PRPF4: variants seen among roughly 807,000 people sequenced by gnomAD.
The protein encoded by PRPF4 is pre-mRNA splicing tri-snRNP complex factor PRPF4, also known as U4/U6 small nuclear ribonucleoprotein Prp4.
Under a neutral mutation model 72.2 loss-of-function variants are expected in PRPF4, and 14 were observed. The ratio of observed to expected loss-of-function variants is 0.19; its 90% confidence interval spans 0.13 to 0.30. The LOEUF (loss-of-function observed/expected upper bound fraction) is 0.30, where lower values mean the gene tolerates loss of function less well. Ranked by LOEUF, PRPF4 falls within the 10% of genes least tolerant of loss-of-function variation. PRPF4 has a pLI of 1.00. For synonymous variants in PRPF4, 225 were observed against 232.2 expected (o/e 0.97, Z 0.28); for missense variants, 478 against 653.9 (o/e 0.73, Z 2.93).
chr9:113,279,405 C>T (rs1832207852), intron 3 of PRPF4, among the ~76,000 whole-genome samples: 1 of 151,978 alleles, frequency 6.6e-6, no homozygotes, highest in South Asian at 2.1e-4. Context: ...GCTCTGTCAC[C>T]CAGGCTTGAG....
At chr9:113,284,885 A>G (rs537439594) in intron 7 of PRPF4, among the ~76,000 whole-genome samples, 7 of 152,282 alleles carry the variant, frequency 4.6e-5, no homozygotes, top group South Asian at 2.1e-4. Flanking sequence ...TCTTATCACC[A>G]CATATGCAGA....
chr9:113,284,681 A>G (rs1832384301), intron 7 of PRPF4, among the ~76,000 whole-genome samples: 2 of 152,192 alleles, frequency 1.3e-5, no homozygotes, highest in South Asian at 2.1e-4. Context: ...TAGACCAACT[A>G]GTATCCATAA....
chr9:113,283,148 A>G lies in PRPF4; in HGVS notation c.497A>G (p.Tyr166Cys), dbSNP rs1476730237. 1.9e-6 allele frequency: 3 copies of G among 1,614,210 alleles called. No homozygotes were observed. Among genetic ancestry groups the G allele is most frequent in the East Asian group, 2.2e-5 (1 of 44,886 alleles). Residue 166 changes from tyrosine to cysteine, a missense_variant, in exon 5 of 14, where the codon TAT becomes TGT. By Grantham distance (194) the Tyr-to-Cys change is radical. Transcript: ENST00000374198. Reference sequence around the variant, plus strand: ...GCCTTTCAGTATCAGCAAACCTGGTATCATGAAGGACCAAATAGCTTGAAG... The same window carrying G: ...GCCTTTCAGTATCAGCAAACCTGGTGTCATGAAGGACCAAATAGCTTGAAG... ...KSKEEYQQTW[Y>C]HEGPNSLKVA...
intron 2 of PRPF4, 23 bp from the exon 3 acceptor site, chr9:113,278,922 G>A (rs1466469167): frequency 3.1e-6 from 5 of 1,611,084 alleles, no homozygotes; most frequent in Non-Finnish European, 4.2e-6. Flanking sequence ...ATCTGCTGAT[G>A]TTGCCTGTTT....
chr9:113,290,641 T>C (rs201819405), intron 11 of PRPF4, 53 bp downstream of exon 11: 42 of 1,614,032 alleles, frequency 2.6e-5, no homozygotes, highest in Middle Eastern at 1.6e-4. Flanking sequence ...ACCTCTTACC[T>C]ATACCTGCTT....
Position 113,291,639 on chromosome 9 carries a change from C to T in PRPF4, c.1545C>T (p.Phe515=), listed in dbSNP as rs1832611715. The part of the protein sequence containing the change: ...LIATCSYDRT[F]KLWMAE ...CCACTTGCTCATATGACAGGACCTT[C>T]AAGCTGTGGATGGCTGAATAGATGA... The change falls in exon 14 of 14, where the codon TTC becomes TTT. Residue 515 remains phenylalanine, a synonymous_variant. Coordinates refer to ENST00000374198, the MANE Select transcript of PRPF4 (RefSeq NM_001244926.2). 4.3e-6 allele frequency: 7 copies of T among 1,614,194 alleles called. No individual in the cohort carries two copies. The highest frequency in any genetic ancestry group is 5.1e-6 in the Non-Finnish European group (6 of 1,180,026).
chr9:113,279,533 T>C (rs1832213843), intron 3 of PRPF4, among the ~76,000 whole-genome samples: 1 of 152,080 alleles, frequency 6.6e-6, no homozygotes, highest in Non-Finnish European at 1.5e-5. Flanking sequence ...TTTTCTTTTT[T>C]GTATTTTTAG....
At chr9:113,290,274 G>C (rs1832570627) in intron 10 of PRPF4, among the ~76,000 whole-genome samples, 192 bp from the exon 11 acceptor site, 1 of 151,804 alleles carries the variant, frequency 6.6e-6, no homozygotes, top group South Asian at 2.1e-4. Flanking sequence ...ATGGTTTTCA[G>C]CTAGCACCTA....
chr9:113,282,324 AT>A (rs1029101559), intron 3 of PRPF4, among the ~76,000 whole-genome samples: 9 of 152,084 alleles, frequency 5.9e-5, no homozygotes, highest in African/African-American at 1.9e-4. Flanking sequence ...AAATTTAAAA[AT>A]TAGCCAGTTG....
intron 3 of PRPF4, among the ~76,000 whole-genome samples, chr9:113,280,433 T>G (rs1832244349): frequency 6.6e-6 from 1 of 152,184 alleles, no homozygotes; most frequent in South Asian, 2.1e-4. Flanking sequence ...TTGAGACATC[T>G]GAATTGAAAT....
intron 3 of PRPF4, 142 bp from the exon 4 acceptor site, chr9:113,282,504 G>A: frequency 1.7e-6 from 1 of 604,628 alleles, no homozygotes; most frequent in Non-Finnish European, 2.8e-6. Flanking sequence ...TAGGTGGTTT[G>A]AACAGTGAGA....
At chr9:113,289,046 C>T (rs1487434834) in intron 10 of PRPF4, among the ~76,000 whole-genome samples, 1 of 152,196 alleles carries the variant, frequency 6.6e-6, no homozygotes, top group East Asian at 1.9e-4. Flanking sequence ...CTTTTCCAGC[C>T]AACTCCCCCT....
At chr9:113,278,865 T>C in intron 2 of PRPF4, 80 bp from the exon 3 acceptor site, 1 of 1,424,842 alleles carries the variant, frequency 7.0e-7, no homozygotes, top group Non-Finnish European at 9.8e-7. Context: ...CCTCAGGGCA[T>C]ACACAGACTG....
intron 9 of PRPF4, 97 bp downstream of exon 9, chr9:113,286,925 C>T: frequency 2.6e-6 from 4 of 1,559,788 alleles, no homozygotes; most frequent in Non-Finnish European, 2.6e-6. Context: ...GCATTTAGGC[C>T]ATGCGCAGTG....
intron 3 of PRPF4, among the ~76,000 whole-genome samples, chr9:113,279,392 C>G (rs1185547775): frequency 1.6e-4 from 25 of 151,914 alleles, no homozygotes; most frequent in Admixed American, 1.6e-3. Context: ...GAGACAGAGT[C>G]TTGCTCTGTC....
At chr9:113,285,333 G>A (rs1048357727) in intron 7 of PRPF4, among the ~76,000 whole-genome samples, 10 of 117,126 alleles carry the variant, frequency 8.5e-5, no homozygotes. Context: ...GTGAGACCCT[G>A]TCTCTACAAA....
At chr9:113,275,899 GCGGTGT>G (rs1305508164) in intron 1 of PRPF4, 129 bp downstream of exon 1, 22 of 1,303,266 alleles carry the variant, frequency 1.7e-5, no homozygotes, top group Non-Finnish European at 2.2e-5. Flanking sequence ...GCGGGACTCA[GCGGTGT>G]CCTACACAGC....
Position 113,291,767 on chromosome 9 carries a change from C to T in PRPF4, c.*107C>T. ...TTCTATCATGTTTTCTGCCAATTACCATGCATAGACCCTCAGTAGAATTGG... is the reference window on the plus strand; with the variant it reads ...TTCTATCATGTTTTCTGCCAATTACTATGCATAGACCCTCAGTAGAATTGG... On this transcript the variant is annotated 3_prime_UTR_variant, in exon 14 of 14. Transcript: ENST00000374198. 1.8e-6 allele frequency: 2 copies of T among 1,100,546 alleles called. No homozygotes were observed. The highest frequency in any genetic ancestry group is 2.6e-6 in the Non-Finnish European group (2 of 778,322). The allele number at this position is 1,100,546 out of a possible 1,614,324, so 68.2% of individuals were successfully genotyped here. A position where few individuals can be genotyped will look rare whatever the true frequency, so the allele number is the denominator to read the frequency against.
In PRPF4 at chr9:113,275,740, C is replaced by T; in HGVS notation, c.-4C>T. 6.2e-7 allele frequency: 1 copy of T among 1,611,960 alleles called. No homozygotes were observed. The highest frequency in any genetic ancestry group is 8.5e-7 in the Non-Finnish European group (1 of 1,179,092). ...GCTGGGGCCTCGCGGCTCCAGAGCC[C>T]AGCATGGCTTCCTCGCGAGCCTCTT... On this transcript the variant is annotated 5_prime_UTR_variant, in exon 1 of 14. Transcript: ENST00000374198.
Sources: gnomAD v4.1 joint callset for allele counts (sites outside exome capture counted in the v4.1 genomes callset) on GRCh38, gnomAD v4.1.1 for gene constraint, MANE v1.5 for transcripts, NCBI Gene and HGNC (gene_info 2026-07-23, HGNC 2026-07-21) for gene names.